ELFN2: variants seen among roughly 807,000 people sequenced by gnomAD.
ELFN2 encodes the protein protein phosphatase 1 regulatory subunit 29.
A neutral mutation model predicts 45.5 loss-of-function variants in ELFN2; 17 were observed. That is an observed-to-expected ratio of 0.37 (90% CI 0.26 to 0.56). The LOEUF (loss-of-function observed/expected upper bound fraction) is 0.56, where lower values mean the gene tolerates loss of function less well. Among genes scored for constraint, ELFN2 ranks in the 20% least tolerant of loss-of-function variants. The pLI, the probability that ELFN2 is intolerant of heterozygous loss-of-function variation, is 0.77. For synonymous variants in ELFN2, 550 were observed against 551.5 expected (o/e 1.00, Z 0.04); for missense variants, 922 against 1,183.2 (o/e 0.78, Z 3.24).
chr22:37,418,696 C>T (rs1039355326), intron 1 of ELFN2, among the ~76,000 whole-genome samples: 2 of 152,020 alleles, frequency 1.3e-5, no homozygotes, highest in Admixed American at 1.3e-4. Context: ...TCAGCCGGGC[C>T]CCAGGGAACA....
chr22:37,394,973 C>G (rs982093872), intron 2 of ELFN2, among the ~76,000 whole-genome samples: 1 of 152,026 alleles, frequency 6.6e-6, no homozygotes. Context: ...AAAGGGGGCA[C>G]ACGCCTGTAG....
At chr22:37,386,667 T>C (rs1308383291) in intron 2 of ELFN2, among the ~76,000 whole-genome samples, 1 of 152,034 alleles carries the variant, frequency 6.6e-6, no homozygotes, top group Non-Finnish European at 1.5e-5. Context: ...GCTCTGTCGG[T>C]GCAGAGGGGT....
intron 1 of ELFN2, among the ~76,000 whole-genome samples, chr22:37,355,498 C>T (rs1299469040): frequency 6.6e-6 from 1 of 152,226 alleles, no homozygotes; most frequent in African/African-American, 2.4e-5. Context: ...GTGGTGCTGG[C>T]GTCCTAGGCT....
At chr22:37,424,075 A>G (rs1031920991) in intron 1 of ELFN2, among the ~76,000 whole-genome samples, 1 of 151,946 alleles carries the variant, frequency 6.6e-6, no homozygotes, top group Non-Finnish European at 1.5e-5. Flanking sequence ...TCGGCCATCC[A>G]CTCCACACAG....
chr22:37,366,861 C>T (rs1483673661), downstream of ELFN2, among the ~76,000 whole-genome samples: 3 of 152,226 alleles, frequency 2.0e-5, no homozygotes, highest in African/African-American at 2.4e-5. Context: ...AAGGGACAGG[C>T]GTCCAGCTGG....
intron 2 of ELFN2, among the ~76,000 whole-genome samples, chr22:37,342,388 AC>A (rs1316293638): frequency 1.3e-5 from 2 of 151,454 alleles, no homozygotes; most frequent in African/African-American, 4.9e-5. Context: ...TCTCCTGCCC[AC>A]CCCCTGTCCT....
At chr22:37,387,292 T>C (rs1171469146) in intron 2 of ELFN2, among the ~76,000 whole-genome samples, 1 of 152,244 alleles carries the variant, frequency 6.6e-6, no homozygotes, top group Non-Finnish European at 1.5e-5. Flanking sequence ...ATGGCTGTTA[T>C]AATTAACGAA....
intron 2 of ELFN2, among the ~76,000 whole-genome samples, chr22:37,386,601 A>G (rs1374906771): frequency 6.6e-6 from 1 of 152,118 alleles, no homozygotes; most frequent in Non-Finnish European, 1.5e-5. Context: ...GCCCACACTG[A>G]CGGCCGCCTC....
At chr22:37,423,362 G>T (rs2145694070) in intron 1 of ELFN2, among the ~76,000 whole-genome samples, 1 of 152,266 alleles carries the variant, frequency 6.6e-6, no homozygotes, top group East Asian at 1.9e-4. Context: ...TTACAGATAA[G>T]CAAAGCAAGG....
intron 2 of ELFN2, among the ~76,000 whole-genome samples, chr22:37,395,211 A>G (rs528382571): frequency 1.3e-5 from 2 of 152,318 alleles, no homozygotes; most frequent in East Asian, 3.9e-4. Flanking sequence ...GTGGCCTCAC[A>G]GCGTCACAGC....
chr22:37,363,293 T>C (rs1215709142), downstream of ELFN2, among the ~76,000 whole-genome samples: 2 of 152,024 alleles, frequency 1.3e-5, no homozygotes, highest in Non-Finnish European at 1.5e-5. Context: ...GCTTAACATA[T>C]GGGGATTGAG....
At chr22:37,343,381 G>T (rs888280436) in intron 1 of ELFN2, among the ~76,000 whole-genome samples, 3 of 152,054 alleles carry the variant, frequency 2.0e-5, no homozygotes, top group Non-Finnish European at 2.9e-5. Flanking sequence ...ACCTAGAGAT[G>T]GGCACTACAC....
rs937138512 is a variant in ELFN2 at position 37,375,805 on chromosome 22, G to A, written c.-271C>T. On this transcript the variant is annotated 5_prime_UTR_variant, in exon 3 of 3. Transcript: ENST00000402918. The stretch of plus-strand genomic sequence containing the variant: ...TTGCTCCTTGTCTCCTGCTAGGAAG[G>A]TGCAAGGGTTCTCAGGGCTTGACTT... 33 of 526,194 alleles carry A rather than the reference G, an allele frequency of 6.3e-5. No homozygotes were observed. The highest frequency in any genetic ancestry group is 1.1e-4 in the Admixed American group (3 of 26,878). 32.6% of individuals were successfully genotyped at this position (526,194 alleles called of 1,614,324 possible). A position where few individuals can be genotyped will look rare whatever the true frequency, so the allele number is the denominator to read the frequency against.
rs75848068 is a variant in ELFN2, at chr22:37,385,733, G to T, written c.-462-9737C>A. Reference sequence around the variant, plus strand: ...GGGACCCAAGGGTGCCCCGATCCCTGCCTCCTGTACTTGACCCCTGCCTGA... The same window carrying T: ...GGGACCCAAGGGTGCCCCGATCCCTTCCTCCTGTACTTGACCCCTGCCTGA... On this transcript the variant is annotated intron_variant, in intron 2 of 2. Coordinates refer to ENST00000402918, the MANE Select transcript of ELFN2 (RefSeq NM_052906.5). Among the ~76,000 whole-genome samples the T allele has an allele frequency of 3.6e-3, 545 of 152,272 alleles. 2 individuals carry two copies. Among genetic ancestry groups the T allele is most frequent in the African/African-American group, 0.013 (531 of 41,548 alleles).
At chr22:37,419,954 G>T (rs894189419) in intron 1 of ELFN2, among the ~76,000 whole-genome samples, 1 of 152,132 alleles carries the variant, frequency 6.6e-6, no homozygotes, top group African/African-American at 2.4e-5. Context: ...TCCGATCCCG[G>T]GCACCGCGCA....
At chr22:37,406,043 G>A (rs2008101) in intron 2 of ELFN2, among the ~76,000 whole-genome samples, 43,358 of 151,986 alleles carry the variant, frequency 0.29, 6,847 homozygotes, top group Non-Finnish European at 0.36. Context: ...TCTGGAGGCT[G>A]AGATGGGAGG....
chr22:37,419,258 T>C (rs1295624589), intron 1 of ELFN2, among the ~76,000 whole-genome samples: 1 of 151,776 alleles, frequency 6.6e-6, no homozygotes, highest in Non-Finnish European at 1.5e-5. Context: ...CAGGCCTAGC[T>C]GGGAGCACAC....
intron 1 of ELFN2, among the ~76,000 whole-genome samples, chr22:37,349,406 G>A (rs1224797396): frequency 6.6e-6 from 1 of 151,218 alleles, no homozygotes; most frequent in African/African-American, 2.4e-5. Context: ...CCCAGTTTGG[G>A]GCAGCCCGGC....
chr22:37,359,400 C>A (rs1569127777), intron 1 of ELFN2, among the ~76,000 whole-genome samples: 1 of 152,162 alleles, frequency 6.6e-6, no homozygotes, highest in South Asian at 2.1e-4. Flanking sequence ...CTTCCTTTAC[C>A]CCACTCGGAG....
Sources: gnomAD v4.1 joint callset for allele counts (sites outside exome capture counted in the v4.1 genomes callset) on GRCh38, gnomAD v4.1.1 for gene constraint, MANE v1.5 for transcripts, NCBI Gene and HGNC (gene_info 2026-07-23, HGNC 2026-07-21) for gene names.